Variants in LRMDA observed in about 807,000 individuals in gnomAD.
LRMDA encodes leucine rich melanocyte differentiation associated.
A neutral mutation model predicts 29.8 loss-of-function variants in LRMDA; 18 were observed. The observed-to-expected ratio is 0.60, with a 90% CI of 0.42 to 0.90. LRMDA has a LOEUF of 0.90. LRMDA is among the 40% of genes least tolerant of loss of function. LRMDA has a pLI of 0.00. For synonymous variants in LRMDA, 125 were observed against 109.4 expected (o/e 1.14, Z -0.89); for missense variants, 273 against 273.9 (o/e 1.00, Z 0.02).
chr10:75,859,333 G>T (rs918604108), intron 2 of LRMDA, among the ~76,000 whole-genome samples: 5 of 152,128 alleles, frequency 3.3e-5, no homozygotes, highest in Admixed American at 2.6e-4. Context: ...CCCTCCCGGT[G>T]ATTTATGGAA....
rs534832914 is a variant in LRMDA, at chr10:76,004,813, C to T, written c.132-31195C>T. On this transcript the variant is annotated intron_variant, in intron 2 of 6. Coordinates refer to ENST00000611255, the MANE Select transcript of LRMDA (RefSeq NM_001305581.2). ...CGTGATCTTGGCTCACTGCAAGCTC[C>T]GCCTCCCAGGTTCATGCCATTCTCC... Among the ~76,000 whole-genome samples the T allele has an allele frequency of 7.3e-5, 11 of 151,612 alleles. No individual in the cohort carries two copies. In the East Asian group the frequency reaches 7.8e-4, roughly 11 times the overall value.
intron 2 of LRMDA, chr10:75,450,510 G>A (rs1844448701): frequency 1.3e-5 from 2 of 152,134 alleles, no homozygotes; most frequent in Admixed American, 6.5e-5. Context: ...GATAAAGCAA[G>A]ACTTATTAAA....
intron 6 of LRMDA, among the ~76,000 whole-genome samples, chr10:76,421,090 G>A (rs1464839250): frequency 6.6e-6 from 1 of 151,838 alleles, no homozygotes; most frequent in African/African-American, 2.4e-5. Context: ...ATTCCTTTTT[G>A]TTATCTGCTT....
intron 6 of LRMDA, among the ~76,000 whole-genome samples, chr10:76,404,100 T>TA (rs1841877983): frequency 6.6e-6 from 1 of 152,026 alleles, no homozygotes; most frequent in Admixed American, 6.6e-5. Context: ...AGCACTGGAC[T>TA]AAAAAAATTG....
chr10:76,521,065 A>T (rs1256395552), intron 6 of LRMDA, among the ~76,000 whole-genome samples: 1 of 152,014 alleles, frequency 6.6e-6, no homozygotes, highest in Non-Finnish European at 1.5e-5. Context: ...GTGAACTTAC[A>T]ATTTCATGTT....
intron 5 of LRMDA, among the ~76,000 whole-genome samples, chr10:76,132,142 T>C (rs2132137543): frequency 6.6e-6 from 1 of 152,260 alleles, no homozygotes; most frequent in East Asian, 1.9e-4. Context: ...TAAAAACCTC[T>C]GGGGTAGGGA....
chr10:76,513,365 A>AAAT (rs2132353826), intron 6 of LRMDA, among the ~76,000 whole-genome samples: 1 of 152,270 alleles, frequency 6.6e-6, no homozygotes, highest in African/African-American at 2.4e-5. Flanking sequence ...TAATTGGATC[A>AAAT]AATTATGGAT....
chr10:75,648,437 G>A (rs995806966), intron 2 of LRMDA, among the ~76,000 whole-genome samples: 3 of 152,086 alleles, frequency 2.0e-5, no homozygotes, highest in Non-Finnish European at 4.4e-5. Flanking sequence ...GTCCTATTTC[G>A]ACTTTCTAAG....
intron 5 of LRMDA, among the ~76,000 whole-genome samples, chr10:76,158,131 G>A (rs1850575017): frequency 6.6e-6 from 1 of 152,042 alleles, no homozygotes; most frequent in African/African-American, 2.4e-5. Flanking sequence ...TGGCCTCAGA[G>A]CCATCATAGA....
At chr10:75,800,657 T>G (rs182121007) in intron 2 of LRMDA, among the ~76,000 whole-genome samples, 1 of 152,356 alleles carries the variant, frequency 6.6e-6, no homozygotes, top group Admixed American at 6.5e-5. Context: ...TGACTCTCTT[T>G]CCTTGAGGTT....
At chr10:75,639,072 TTTC>T (rs1365080010) in intron 2 of LRMDA, among the ~76,000 whole-genome samples, 1 of 152,206 alleles carries the variant, frequency 6.6e-6, no homozygotes, top group African/African-American at 2.4e-5. Context: ...TTTTGTTCCC[TTTC>T]TTAAGAAAGA....
intron 2 of LRMDA, among the ~76,000 whole-genome samples, chr10:75,647,087 C>T (rs1841531418): frequency 6.6e-6 from 1 of 152,160 alleles, no homozygotes; most frequent in South Asian, 2.1e-4. Context: ...CCCAACGCTG[C>T]TTTTCCCCCG....
At chr10:76,167,059 C>T (rs1850753931) in intron 5 of LRMDA, among the ~76,000 whole-genome samples, 1 of 152,120 alleles carries the variant, frequency 6.6e-6, no homozygotes, top group African/African-American at 2.4e-5. Context: ...CTCTAATTAT[C>T]AGTGATGTTG....
intron 2 of LRMDA, among the ~76,000 whole-genome samples, chr10:75,603,299 A>G (rs979069164): frequency 4.6e-5 from 7 of 151,828 alleles, no homozygotes; most frequent in Admixed American, 3.3e-4. Flanking sequence ...GGTCTGTTTC[A>G]TTATTAAGAA....
chr10:75,982,833 C>T (rs773681622), intron 2 of LRMDA, among the ~76,000 whole-genome samples: 1 of 152,154 alleles, frequency 6.6e-6, no homozygotes, highest in Non-Finnish European at 1.5e-5. Context: ...CTAGCAGCTT[C>T]TATTGTTGAG....
intron 6 of LRMDA, among the ~76,000 whole-genome samples, chr10:76,542,736 T>C (rs1843371962): frequency 6.6e-6 from 1 of 152,212 alleles, no homozygotes; most frequent in African/African-American, 2.4e-5. Flanking sequence ...TTGTGGAGAA[T>C]AGATAACCTT....
intron 5 of LRMDA, among the ~76,000 whole-genome samples, chr10:76,285,645 C>A (rs551898727): frequency 6.6e-6 from 1 of 152,114 alleles, no homozygotes; most frequent in South Asian, 2.1e-4. Context: ...GACTTATAGG[C>A]ATAGTCCACT....
intron 2 of LRMDA, among the ~76,000 whole-genome samples, chr10:75,573,823 G>A (rs1351635817): frequency 6.6e-6 from 1 of 152,068 alleles, no homozygotes; most frequent in Non-Finnish European, 1.5e-5. Flanking sequence ...GTTAAGAGGT[G>A]TGTCACAGGT....
intron 5 of LRMDA, among the ~76,000 whole-genome samples, chr10:76,108,360 A>G (rs1181502348): frequency 6.6e-6 from 1 of 152,154 alleles, no homozygotes; most frequent in Non-Finnish European, 1.5e-5. Context: ...GAGGGACTTC[A>G]TATGTACATT....
Sources: gnomAD v4.1 joint callset for allele counts (sites outside exome capture counted in the v4.1 genomes callset) on GRCh38, gnomAD v4.1.1 for gene constraint, MANE v1.5 for transcripts, NCBI Gene and HGNC (gene_info 2026-07-23, HGNC 2026-07-21) for gene names.